RSRC1: variants seen among roughly 807,000 people sequenced by gnomAD.
RSRC1 encodes arginine and serine rich coiled-coil 1.
A neutral mutation model predicts 49.1 loss-of-function variants in RSRC1; 39 were observed. The observed-to-expected ratio is 0.79, with a 90% CI of 0.61 to 1.04. The LOEUF (loss-of-function observed/expected upper bound fraction) is 1.04. Ranked by LOEUF, RSRC1 falls within the 50% of genes least tolerant of loss-of-function variation. RSRC1 has a pLI of 0.00. For synonymous variants in RSRC1, 143 were observed against 130.8 expected (o/e 1.09, Z -0.63); for missense variants, 388 against 402.4 (o/e 0.96, Z 0.31).
At chr3:158,248,596 A>G (rs894817466) in intron 4 of RSRC1, among the ~76,000 whole-genome samples, 1 of 119,104 alleles carries the variant, frequency 8.4e-6, no homozygotes, top group Non-Finnish European at 1.7e-5. Context: ...GTAGGTTTGG[A>G]TTAACTTTTT....
At chr3:158,406,381 G>A (rs917989429) in intron 6 of RSRC1, among the ~76,000 whole-genome samples, 1 of 152,004 alleles carries the variant, frequency 6.6e-6, no homozygotes, top group African/African-American at 2.4e-5. Context: ...TATATAAATT[G>A]AAAAGAATTT....
intron 1 of RSRC1, among the ~76,000 whole-genome samples, chr3:158,112,872 A>G (rs574616050): frequency 6.6e-6 from 1 of 151,906 alleles, no homozygotes; most frequent in East Asian, 1.9e-4. Context: ...TTCAGCTCCC[A>G]CTTATGAGTG....
chr3:158,175,934 G>A (rs535565474), intron 3 of RSRC1, among the ~76,000 whole-genome samples: 69 of 152,140 alleles, frequency 4.5e-4, no homozygotes, highest in African/African-American at 1.5e-3. Context: ...TGAAGCTTGT[G>A]CATGCATCAT....
chr3:158,118,462 T>TGTGTGTGTGTGCGCGCGCGCGC (rs1491469875), intron 1 of RSRC1, among the ~76,000 whole-genome samples: 1 of 124,714 alleles, frequency 8.0e-6, no homozygotes, highest in Admixed American at 7.9e-5. Flanking sequence ...TGTGTGTGTG[T>TGTGTGTGTGTGCGCGCGCGCGC]GCGCGTGCGC....
chr3:158,161,167 A>G (rs1010575911), intron 3 of RSRC1, among the ~76,000 whole-genome samples: 1 of 152,178 alleles, frequency 6.6e-6, no homozygotes, highest in African/African-American at 2.4e-5. Flanking sequence ...TCAGTGGCAC[A>G]CACAAAAAGT....
At chr3:158,252,294 TG>T (rs956906531) in intron 4 of RSRC1, among the ~76,000 whole-genome samples, 1 of 151,866 alleles carries the variant, frequency 6.6e-6, no homozygotes, top group Admixed American at 6.6e-5. Flanking sequence ...CCCAAGTAGC[TG>T]GGACTACAGG....
chr3:158,295,167 C>T (rs1041932361), intron 4 of RSRC1, among the ~76,000 whole-genome samples: 2 of 151,958 alleles, frequency 1.3e-5, no homozygotes, highest in African/African-American at 2.4e-5. Context: ...GAGAAGGTTT[C>T]CCCAATTGAA....
intron 6 of RSRC1, among the ~76,000 whole-genome samples, chr3:158,427,522 A>G (rs1035772443): frequency 6.6e-6 from 1 of 151,840 alleles, no homozygotes; most frequent in African/African-American, 2.4e-5. Flanking sequence ...TATAATAATC[A>G]GATTGATTTC....
chr3:158,141,739 G>A (rs944443238), intron 3 of RSRC1, among the ~76,000 whole-genome samples: 86 of 152,106 alleles, frequency 5.7e-4, no homozygotes, highest in African/African-American at 1.9e-3. Flanking sequence ...GGAATATAAA[G>A]CATTTGTGAA....
intron 4 of RSRC1, among the ~76,000 whole-genome samples, chr3:158,217,326 C>T (rs977329001): frequency 3.3e-5 from 5 of 151,628 alleles, no homozygotes; most frequent in African/African-American, 1.2e-4. Flanking sequence ...AGCGTTGGCT[C>T]TTCTGCTCAC....
At chr3:158,309,223 G>A (rs1728001613) in intron 5 of RSRC1, among the ~76,000 whole-genome samples, 1 of 151,790 alleles carries the variant, frequency 6.6e-6, no homozygotes, top group African/African-American at 2.4e-5. Flanking sequence ...CTAGTAAAAT[G>A]CTGTTAGCGC....
At chr3:158,196,219 C>G (rs368930872) in intron 3 of RSRC1, among the ~76,000 whole-genome samples, 7 of 151,540 alleles carry the variant, frequency 4.6e-5, no homozygotes, top group Admixed American at 3.3e-4. Context: ...CCTTCACATC[C>G]CTTGTAAGTT....
chr3:158,440,835 G>T (rs1736343419), intron 6 of RSRC1, among the ~76,000 whole-genome samples: 1 of 151,946 alleles, frequency 6.6e-6, no homozygotes, highest in Non-Finnish European at 1.5e-5. Context: ...CCAGCTACTT[G>T]GGAGGCCGAG....
chr3:158,283,769 C>T (rs1418223925), intron 4 of RSRC1, among the ~76,000 whole-genome samples: 1 of 152,074 alleles, frequency 6.6e-6, no homozygotes, highest in Non-Finnish European at 1.5e-5. Flanking sequence ...TTGATACATT[C>T]TCCCAATTGC....
At chr3:158,477,827 TGA>T (rs1738448782) in intron 7 of RSRC1, among the ~76,000 whole-genome samples, 2 of 135,702 alleles carry the variant, frequency 1.5e-5, no homozygotes, top group African/African-American at 2.7e-5. Context: ...TATATATATA[TGA>T]AAGCCCTATG....
At chr3:158,133,474 A>C (rs1716166736) in intron 3 of RSRC1, among the ~76,000 whole-genome samples, 1 of 152,192 alleles carries the variant, frequency 6.6e-6, no homozygotes. Flanking sequence ...TCACAAACTG[A>C]ATTTCAGTGA....
intron 5 of RSRC1, among the ~76,000 whole-genome samples, chr3:158,328,028 T>A (rs932975489): frequency 6.6e-6 from 1 of 152,228 alleles, no homozygotes; most frequent in Non-Finnish European, 1.5e-5. Flanking sequence ...GTTTAAAGTC[T>A]GTTTTATCAG....
At chr3:158,503,282 T>TG (rs1023503132) in intron 7 of RSRC1, among the ~76,000 whole-genome samples, 6 of 152,160 alleles carry the variant, frequency 3.9e-5, no homozygotes, top group Admixed American at 3.3e-4. Flanking sequence ...TCTGTTCCAG[T>TG]GGAGGTATTG....
intron 4 of RSRC1, among the ~76,000 whole-genome samples, chr3:158,267,575 T>C (rs933396457): frequency 5.9e-5 from 9 of 152,012 alleles, no homozygotes; most frequent in Admixed American, 5.2e-4. Context: ...GAGTAACTTA[T>C]GGTGGTCTTT....
Sources: allele counts gnomAD v4.1 joint callset (sites outside exome capture counted in the v4.1 genomes callset), GRCh38; gene constraint gnomAD v4.1.1; transcripts MANE v1.5; gene names NCBI Gene and HGNC (gene_info 2026-07-23, HGNC 2026-07-21).